Variants in UNC79 observed in about 807,000 individuals in gnomAD.
UNC79 encodes unc-79 subunit of NALCN channel complex, also known as protein unc-79 homolog.
A neutral mutation model predicts 283.1 loss-of-function variants in UNC79; 37 were observed. That is an observed-to-expected ratio of 0.13 (90% CI 0.10 to 0.17). The LOEUF (loss-of-function observed/expected upper bound fraction) is 0.17. Ranked by LOEUF, UNC79 falls within the 10% of genes least tolerant of loss-of-function variation. The pLI, the probability that UNC79 is intolerant of heterozygous loss-of-function variation, is 1.00. For synonymous variants in UNC79, 1,107 were observed against 1,200.2 expected, an observed-to-expected ratio of 0.92 and a Z score of 1.61; for missense variants, 2,272 against 3,211.1, an observed-to-expected ratio of 0.71 and a Z score of 7.07.
chr14:93,341,852 A>C (rs1421085561), intron 1 of UNC79, among the ~76,000 whole-genome samples: 1 of 152,082 alleles, frequency 6.6e-6, no homozygotes, highest in East Asian at 1.9e-4. Context: ...ATCTCTTTTG[A>C]CTCCATGTCT....
chr14:93,493,897 ATATATTTT>A (rs1566998538), intron 5 of UNC79, among the ~76,000 whole-genome samples: 1 of 57,590 alleles, frequency 1.7e-5, no homozygotes, highest in South Asian at 7.8e-4. Context: ...ATATATATAT[ATATATTTT>A]TTTTTTTTTT....
At chr14:93,702,669 C>T (rs1441845559) in intron 47 of UNC79, among the ~76,000 whole-genome samples, 1 of 152,170 alleles carries the variant, frequency 6.6e-6, no homozygotes, top group Non-Finnish European at 1.5e-5. Context: ...TCCCAAAAAG[C>T]TCTCCTTCGT....
intron 14 of UNC79, among the ~76,000 whole-genome samples, chr14:93,555,279 C>A (rs932190520): frequency 6.9e-6 from 1 of 143,992 alleles, no homozygotes; most frequent in African/African-American, 2.6e-5. Flanking sequence ...CATTGGATGT[C>A]TTTTACATAT....
chr14:93,532,243 G>T (rs1038051470), intron 10 of UNC79, among the ~76,000 whole-genome samples: 2 of 151,522 alleles, frequency 1.3e-5, no homozygotes, highest in Non-Finnish European at 2.9e-5. Context: ...AAGGCAGGAG[G>T]GTTGCTTGTG....
intron 1 of UNC79, among the ~76,000 whole-genome samples, chr14:93,354,557 G>T (rs566754827): frequency 6.6e-6 from 1 of 152,286 alleles, no homozygotes; most frequent in East Asian, 1.9e-4. Flanking sequence ...GAATGTAGTG[G>T]TGCTATCGTG....
At chr14:93,477,646 A>G in exon 4 of UNC79, 1 of 1,613,488 alleles carries the variant, frequency 6.2e-7, no homozygotes. Flanking sequence ...ACACGATGAT[A>G]TCAACGTTGG....
chr14:93,501,358 A>T (rs1041744707), intron 7 of UNC79, among the ~76,000 whole-genome samples: 8 of 151,488 alleles, frequency 5.3e-5, no homozygotes, highest in Middle Eastern at 6.9e-3. Context: ...AAAAAGCAAA[A>T]TTTTTTTTTA....
chr14:93,433,609 G>A (rs551743764), intron 1 of UNC79, among the ~76,000 whole-genome samples: 6 of 152,174 alleles, frequency 3.9e-5, no homozygotes, highest in Admixed American at 1.3e-4. Context: ...GGGAGAGCTC[G>A]TTTCTCCTCT....
chr14:93,395,668 T>A (rs1038480299), intron 1 of UNC79, among the ~76,000 whole-genome samples: 1 of 152,166 alleles, frequency 6.6e-6, no homozygotes, highest in Non-Finnish European at 1.5e-5. Context: ...ATAGAATTTA[T>A]TAGTGTTTTT....
At chr14:93,586,212 C>T (rs2064215432) in intron 20 of UNC79, among the ~76,000 whole-genome samples, 1 of 152,156 alleles carries the variant, frequency 6.6e-6, no homozygotes, top group Non-Finnish European at 1.5e-5. Context: ...GCATATCTCC[C>T]TTCCAATTAG....
At chr14:93,574,157 C>A (rs564636847) in intron 16 of UNC79, among the ~76,000 whole-genome samples, 3 of 152,034 alleles carry the variant, frequency 2.0e-5, no homozygotes, top group Non-Finnish European at 2.9e-5. Context: ...GTTGCACAGC[C>A]CTTACACTGT....
intron 32 of UNC79, among the ~76,000 whole-genome samples, chr14:93,640,502 C>T (rs1472795417): frequency 6.6e-6 from 1 of 152,006 alleles, no homozygotes; most frequent in Non-Finnish European, 1.5e-5. Context: ...GTGGCGTGTG[C>T]CTGTAGCCCC....
At chr14:93,442,237 T>A (rs2056326042) in intron 1 of UNC79, among the ~76,000 whole-genome samples, 1 of 152,164 alleles carries the variant, frequency 6.6e-6, no homozygotes, top group Admixed American at 6.5e-5. Context: ...TTTTTAATTT[T>A]AGGAAATACA....
intron 1 of UNC79, among the ~76,000 whole-genome samples, chr14:93,404,496 ATATATATATATAT>A (rs2055182850): frequency 2.4e-5 from 2 of 82,286 alleles, no homozygotes; most frequent in Admixed American, 1.2e-4. Context: ...TAAAAAAAAT[ATATATATATATAT>A]ATATAAATAT....
chr14:93,513,193 T>C (rs536276331), intron 7 of UNC79, among the ~76,000 whole-genome samples: 24 of 123,318 alleles, frequency 1.9e-4, no homozygotes, highest in Non-Finnish European at 2.7e-4. Flanking sequence ...CTCCCTCCCT[T>C]CCTTCCTTCT....
At chr14:93,402,160 C>G (rs2055121191) in intron 1 of UNC79, among the ~76,000 whole-genome samples, 2 of 151,494 alleles carry the variant, frequency 1.3e-5, no homozygotes, top group South Asian at 2.1e-4. Context: ...TGCCTGTATC[C>G]CAGCTACTTG....
rs2067960355 is a variant in UNC79 at position 93,630,710 on chromosome 14, T to C, written c.5609-91T>C. ...GAAAGTGTATAAAGAGTTGAATGGT[T>C]GTAGTAGACAAGAGGTAAAAGATAT... is the stretch of plus-strand genomic sequence containing the variant. On this transcript the variant is annotated intron_variant, in intron 30 of 48. Transcript: ENST00000555664. 3.2e-6 allele frequency: 3 copies of C among 932,310 alleles called. No individual in the cohort carries two copies. The East Asian group carries it at 7.7e-5, about 24-fold the overall frequency. 57.8% of individuals were successfully genotyped at this position (932,310 alleles called of 1,614,324 possible).
chr14:93,675,727 G>A (rs965002500), intron 41 of UNC79, among the ~76,000 whole-genome samples: 1 of 152,178 alleles, frequency 6.6e-6, no homozygotes, highest in Non-Finnish European at 1.5e-5. Context: ...TAAAAAGTTG[G>A]TGTACTTTCA....
intron 1 of UNC79, among the ~76,000 whole-genome samples, chr14:93,466,157 A>G (rs146839267): frequency 6.6e-6 from 1 of 152,378 alleles, no homozygotes; most frequent in East Asian, 1.9e-4. Flanking sequence ...GATGTGTTAC[A>G]TAGACTCAAG....
Sources: allele counts gnomAD v4.1 joint callset (sites outside exome capture counted in the v4.1 genomes callset), GRCh38; gene constraint gnomAD v4.1.1; transcripts MANE v1.5; gene names NCBI Gene and HGNC (gene_info 2026-07-23, HGNC 2026-07-21).